STAG1: variants seen among roughly 807,000 people sequenced by gnomAD.
The protein encoded by STAG1 is STAG1 cohesin complex component.
In STAG1, 26 loss-of-function variants were observed where a neutral mutation model predicts 170.9. That is an observed-to-expected ratio of 0.15 (90% CI 0.11 to 0.21). The LOEUF (loss-of-function observed/expected upper bound fraction) is 0.21, where lower values mean the gene tolerates loss of function less well. STAG1 is among the 10% of genes least tolerant of loss of function. The pLI is 1.00. For missense variants in STAG1, 964 were observed against 1,509.5 expected, an observed-to-expected ratio of 0.64 and a Z score of 5.99; for synonymous variants, 514 against 497.7, an observed-to-expected ratio of 1.03 and a Z score of -0.44.
chr3:136,620,160 T>C (rs1354880469), intron 3 of STAG1, among the ~76,000 whole-genome samples: 1 of 152,182 alleles, frequency 6.6e-6, no homozygotes, highest in African/African-American at 2.4e-5. Context: ...TATTTGTTTT[T>C]GACTGGCTAA....
At chr3:136,373,180 G>A (rs897870408) in intron 23 of STAG1, among the ~76,000 whole-genome samples, 31 of 152,152 alleles carry the variant, frequency 2.0e-4, no homozygotes, top group Admixed American at 9.8e-4. Flanking sequence ...TATTTCTGTA[G>A]GATCGGTGGT....
chr3:136,644,533 A>G (rs966286860), intron 1 of STAG1, among the ~76,000 whole-genome samples: 1 of 152,196 alleles, frequency 6.6e-6, no homozygotes, highest in African/African-American at 2.4e-5. Context: ...AATTAGTAAG[A>G]ATGCAAAAAC....
At chr3:136,510,731 C>T (rs1934025123) in intron 7 of STAG1, among the ~76,000 whole-genome samples, 2 of 151,968 alleles carry the variant, frequency 1.3e-5, no homozygotes, top group African/African-American at 4.8e-5. Flanking sequence ...CCTGCCTCAG[C>T]CTCCAGAGTA....
intron 1 of STAG1, among the ~76,000 whole-genome samples, chr3:136,695,566 T>G (rs991787606): frequency 1.3e-5 from 2 of 151,874 alleles, no homozygotes; most frequent in Non-Finnish European, 2.9e-5. Context: ...TCTAGGTGAC[T>G]TGGTTTAACA....
At chr3:136,555,100 A>C (rs935024390) in intron 5 of STAG1, among the ~76,000 whole-genome samples, 1 of 147,792 alleles carries the variant, frequency 6.8e-6, no homozygotes, top group Non-Finnish European at 1.5e-5. Flanking sequence ...ATATATTTAT[A>C]ATATATATAT....
chr3:136,740,558 A>G (rs113486060), intron 1 of STAG1, among the ~76,000 whole-genome samples: 177 of 152,218 alleles, frequency 1.2e-3, no homozygotes, highest in African/African-American at 2.5e-3. Context: ...TCAGCTCACT[A>G]CAACCTTGAC....
chr3:136,350,690 C>T (rs1245864704), intron 28 of STAG1, among the ~76,000 whole-genome samples: 2 of 152,168 alleles, frequency 1.3e-5, no homozygotes, highest in South Asian at 2.1e-4. Flanking sequence ...TTAAAGTTCT[C>T]CCTGGTGGCT....
At chr3:136,580,211 C>A (rs1270643711) in intron 4 of STAG1, among the ~76,000 whole-genome samples, 2 of 152,000 alleles carry the variant, frequency 1.3e-5, no homozygotes. Context: ...TTGTGATATG[C>A]CTGCCTTGGC....
chr3:136,648,995 T>C (rs1941124761), intron 1 of STAG1, among the ~76,000 whole-genome samples: 1 of 152,198 alleles, frequency 6.6e-6, no homozygotes, highest in African/African-American at 2.4e-5. Context: ...CAAGCAAAAA[T>C]TTTAAGTTCT....
intron 4 of STAG1, among the ~76,000 whole-genome samples, chr3:136,594,133 T>C (rs1363925024): frequency 6.6e-6 from 1 of 152,198 alleles, no homozygotes; most frequent in Admixed American, 6.5e-5. Flanking sequence ...TTACAGTTAC[T>C]ATGTAACTGT....
At chr3:136,720,959 T>C (rs1222678809) in intron 1 of STAG1, among the ~76,000 whole-genome samples, 1 of 152,174 alleles carries the variant, frequency 6.6e-6, no homozygotes, top group African/African-American at 2.4e-5. Context: ...TTATTACCAA[T>C]ACAAGTGACG....
chr3:136,563,382 T>G (rs1936920308), intron 5 of STAG1, among the ~76,000 whole-genome samples: 1 of 152,174 alleles, frequency 6.6e-6, no homozygotes, highest in Non-Finnish European at 1.5e-5. Context: ...CCTCCATCTT[T>G]GTTGATTTTG....
chr3:136,451,951 G>T (rs570813250), intron 14 of STAG1, 82 bp downstream of exon 14: 2 of 900,904 alleles, frequency 2.2e-6, no homozygotes, highest in Admixed American at 5.6e-5. Flanking sequence ...GTTTTTATTT[G>T]ATTGAAAAAA....
At chr3:136,572,718 T>C (rs1937313125) in intron 4 of STAG1, among the ~76,000 whole-genome samples, 1 of 151,554 alleles carries the variant, frequency 6.6e-6, no homozygotes, top group Non-Finnish European at 1.5e-5. Flanking sequence ...GATCCAGATA[T>C]ATATAACTTC....
At chr3:136,487,690 C>T (rs2090044878) in intron 9 of STAG1, among the ~76,000 whole-genome samples, 1 of 152,180 alleles carries the variant, frequency 6.6e-6, no homozygotes, top group Non-Finnish European at 1.5e-5. Flanking sequence ...GACTAGACAG[C>T]AAAATTACAA....
chr3:136,347,033 G>A lies in STAG1; in HGVS notation c.3271+2125C>T, dbSNP rs377576283. Among the ~76,000 whole-genome samples, 14 of 150,906 alleles carry A rather than the reference G, an allele frequency of 9.3e-5. No individual in the cohort carries two copies. In the East Asian group the frequency reaches 2.5e-3, roughly 27 times the overall value. ...GGATTGCTTGAGCCAGGGAGGTTGA[G>A]GCTGGACAAGACCCCAGCCTGGGCG... is the stretch of plus-strand genomic sequence containing the variant. On this transcript the variant is annotated intron_variant, in intron 29 of 33. Coordinates refer to ENST00000383202, the MANE Select transcript of STAG1 (RefSeq NM_005862.3).
intron 1 of STAG1, among the ~76,000 whole-genome samples, chr3:136,743,891 C>T (rs1264611464): frequency 6.6e-6 from 1 of 152,086 alleles, no homozygotes. Context: ...TTGGCTTATC[C>T]CAGTAACCAA....
chr3:136,399,229 T>C (rs1349384683), intron 21 of STAG1, among the ~76,000 whole-genome samples: 1 of 152,240 alleles, frequency 6.6e-6, no homozygotes, highest in Non-Finnish European at 1.5e-5. Context: ...TAAAGTATTT[T>C]AATGTGAAAA....
At chr3:136,507,162 T>C (rs189872665) in intron 7 of STAG1, among the ~76,000 whole-genome samples, 1 of 152,314 alleles carries the variant, frequency 6.6e-6, no homozygotes, top group East Asian at 1.9e-4. Flanking sequence ...ACATAGAATT[T>C]GAGTATAGGC....
Sources: gnomAD v4.1 joint callset for allele counts (sites outside exome capture counted in the v4.1 genomes callset) on GRCh38, gnomAD v4.1.1 for gene constraint, MANE v1.5 for transcripts, NCBI Gene and HGNC (gene_info 2026-07-23, HGNC 2026-07-21) for gene names.